The following LILRB2 variants were observed in gnomAD, a reference collection of about 807,000 sequenced individuals.
LILRB2 encodes leukocyte immunoglobulin-like receptor subfamily B member 2.
In LILRB2, 47 loss-of-function variants were observed where a neutral mutation model predicts 72.7. The observed-to-expected ratio is 0.65, with a 90% CI of 0.51 to 0.82. LILRB2 has a LOEUF of 0.82. LILRB2 is among the 40% of genes least tolerant of loss of function. LILRB2 has a pLI of 0.00. For synonymous variants in LILRB2, 279 were observed against 313.7 expected (o/e 0.89, Z 1.17); for missense variants, 767 against 764.8 (o/e 1.00, Z -0.03).
rs2080278773 is a variant in LILRB2, at chr19:54,277,273, T to A, written c.1357+277A>T. 5.6e-5 allele frequency: 84 copies of A among 1,505,206 alleles called. No individual in the cohort carries two copies. The South Asian group carries it at 9.8e-4, about 18-fold the overall frequency. The allele number at this position is 1,505,206 out of a possible 1,614,324, so 93.2% of individuals were successfully genotyped here. ...TCCCCTCCCCTGCCCCAGGTCACCG[T>A]CTCTGCTGCAGGTGGGACGGGACAG... On this transcript the variant is annotated intron_variant, in intron 9 of 13. Transcript: ENST00000314446.
chr19:54,277,120 C>A, intron 9 of LILRB2, 191 bp from the exon 10 acceptor site: 11 of 1,498,454 alleles, frequency 7.3e-6, no homozygotes, highest in Non-Finnish European at 9.1e-6. Context: ...TGCCCCGGGC[C>A]CCCAGCCAGG....
intron 9 of LILRB2, chr19:54,277,246 G>T (rs549302373): frequency 7.4e-5 from 113 of 1,532,432 alleles, no homozygotes; most frequent in East Asian, 1.5e-4. Context: ...CCACGACTCT[G>T]CTCCCCTCCC....
chr19:54,277,027 C>A, intron 9 of LILRB2, 98 bp from the exon 10 acceptor site: 3 of 1,522,780 alleles, frequency 2.0e-6, no homozygotes, highest in Non-Finnish European at 1.8e-6. Flanking sequence ...CACCTCCAAC[C>A]CCCACAACAG....
intron 8 of LILRB2, 74 bp downstream of exon 8, chr19:54,277,815 G>T: frequency 7.3e-7 from 1 of 1,363,934 alleles, no homozygotes; most frequent in South Asian, 1.2e-5. Flanking sequence ...GAAGGGAATG[G>T]GATCCTCCTG....
At position 54,279,039 on chromosome 19, in the gene LILRB2, A is replaced by G. The variant is rs1053767416; in HGVS notation, c.728T>C (p.Leu243Pro). The change falls in exon 6 of 14, where the codon CTC (leucine) becomes CCC (proline). Residue 243 changes from leucine to proline, a missense_variant. Physicochemically the swap from Leu to Pro is moderately conservative, Grantham distance 98 (BLOSUM62 -3). This residue lies in a region of LILRB2 where 599 missense variants were observed against 568.2 expected (regional missense o/e 1.05). Coordinates refer to ENST00000314446, the MANE Select transcript of LILRB2 (RefSeq NM_001080978.4). Reference sequence around the variant, plus strand: ...ATAGCCGACATCAGAGACACACTGGAGGGTCAGGCTTTCCCCAGGGGCCAT... The same window carrying G: ...ATAGCCGACATCAGAGACACACTGGGGGGTCAGGCTTTCCCCAGGGGCCAT... ...PVMAPGESLT[L>P]QCVSDVGYDR... 3 of 1,614,088 alleles carry G rather than the reference A, an allele frequency of 1.9e-6. No homozygotes were observed. The highest frequency in any genetic ancestry group is 1.3e-5 in the African/African-American group (1 of 74,944).
At chr19:54,280,610 G>C in intron 1 of LILRB2, 66 bp from the exon 2 acceptor site, 1 of 1,587,170 alleles carries the variant, frequency 6.3e-7, no homozygotes, top group Non-Finnish European at 8.6e-7. Context: ...TGGACACTCA[G>C]AGGCTGGGTC....
chr19:54,279,620 G>T lies in LILRB2; in HGVS notation c.383C>A (p.Ala128Asp). 1 of 1,613,904 alleles carries T rather than the reference G, an allele frequency of 6.2e-7. No individual in the cohort carries two copies. Among genetic ancestry groups the T allele is most frequent in the Non-Finnish European group, 8.5e-7 (1 of 1,179,890 alleles). Residue 128 changes from alanine to aspartate, a missense_variant, in exon 5 of 14, where the codon GCC becomes GAC. Ala to Asp is a moderately radical substitution (Grantham distance 126). Coordinates refer to ENST00000314446, the MANE Select transcript of LILRB2 (RefSeq NM_001080978.4). ...TGAYPKPTLS[A>D]QPSPVVTSGG... is the part of the protein sequence containing the mutation. ...TGAGGTCACCACAGGGCTGGGCTGG[G>T]CTGAGAGGGTGGGTTTTGGGTAGGC...
chr19:54,275,600 C>T, intron 13 of LILRB2: 1 of 533,432 alleles, frequency 1.9e-6, no homozygotes, highest in Non-Finnish European at 3.7e-6. Context: ...CATGGGGAGC[C>T]TGATCCACAG....
In LILRB2 at chr19:54,276,226, A is replaced by G. The variant is rs372301209; in HGVS notation, c.1594+38T>C. 12 of 1,613,074 alleles carry G rather than the reference A, an allele frequency of 7.4e-6. 1 individual carries two copies. Among genetic ancestry groups the G allele is most frequent in the South Asian group, 2.2e-5 (2 of 91,064 alleles). ...TTGCTACGGAAACTTCGGGGCCCCT[A>G]TCTCCCTCCTGGCTGGTCACCTCTT... On this transcript the variant is annotated intron_variant, in intron 12 of 13. Transcript: ENST00000314446.
At position 54,275,944 on chromosome 19, in the gene LILRB2, G is replaced by A. The variant is rs1306387390; in HGVS notation, c.1647+7C>T. ...CTTTGGTGCCTGGGACAGGGGCGGGGTCTCACCCGAGTGTCCATCTCCACC... is the reference window on the plus strand; with the variant it reads ...CTTTGGTGCCTGGGACAGGGGCGGGATCTCACCCGAGTGTCCATCTCCACC... On this transcript the variant is annotated splice_region_variant and intron_variant, in intron 13 of 13. Transcript: ENST00000314446. 2.5e-5 allele frequency: 40 copies of A among 1,613,914 alleles called. No homozygotes were observed. Among genetic ancestry groups the A allele is most frequent in the South Asian group, 3.3e-5 (3 of 91,080 alleles).
chr19:54,275,728 CA>C, intron 13 of LILRB2: 1 of 693,634 alleles, frequency 1.4e-6, no homozygotes, highest in Non-Finnish European at 2.7e-6. Flanking sequence ...ACCAGACGGC[CA>C]AACAGAGGAT....
At chr19:54,277,314 A>G (rs1382718837) in intron 9 of LILRB2, 23 of 1,281,632 alleles carry the variant, frequency 1.8e-5, no homozygotes, top group African/African-American at 1.5e-4. Context: ...CGCGGAATCG[A>G]GTCTTGGAGT....
chr19:54,278,082 C>T (rs1033163757), intron 7 of LILRB2, 143 bp from the exon 8 acceptor site: 13 of 1,121,734 alleles, frequency 1.2e-5, no homozygotes, highest in South Asian at 6.4e-5. Context: ...CTGGCGATGC[C>T]GCTGAGTGTG....
At position 54,273,813 on chromosome 19, in the gene LILRB2, G is replaced by A. The variant is rs1039294878; in HGVS notation, c.*870C>T. The A allele has an allele frequency of 7.2e-5, 11 of 151,934 alleles. No individual in the cohort carries two copies. The highest frequency in any genetic ancestry group is 1.6e-4 in the Non-Finnish European group (11 of 68,040). The allele number at this position is 151,934 out of a possible 1,614,324, so 9.4% of individuals were successfully genotyped here. On this transcript the variant is annotated 3_prime_UTR_variant, in exon 14 of 14. Transcript: ENST00000314446. ...AATCACCAGTGAAACTTCCTGAACT[G>A]GAGTTGATACGATGGGAACATTTTT...
At chr19:54,279,267 T>C in intron 5 of LILRB2, 78 bp downstream of exon 5, 10 of 1,552,328 alleles carry the variant, frequency 6.4e-6, no homozygotes, top group African/African-American at 1.4e-5. Flanking sequence ...GGAACTGCCC[T>C]GAGACACGGC....
At chr19:54,277,776 C>T in intron 8 of LILRB2, 113 bp downstream of exon 8, 2 of 1,325,914 alleles carry the variant, frequency 1.5e-6, no homozygotes, top group South Asian at 2.5e-5. Context: ...TGCCCAGCTC[C>T]CTGGACAGAA....
intron 9 of LILRB2, chr19:54,277,202 C>G (rs752300231): frequency 4.6e-6 from 7 of 1,532,396 alleles, no homozygotes; most frequent in Non-Finnish European, 6.2e-6. Context: ...AGCCGAGCCC[C>G]GGAGCTGCAG....
At position 54,279,971 on chromosome 19, in the gene LILRB2, G is replaced by A. The variant is rs1407009553; in HGVS notation, c.175C>T (p.Arg59Cys). 6 of 1,614,066 alleles carry A rather than the reference G, an allele frequency of 3.7e-6. No individual in the cohort carries two copies. The highest frequency in any genetic ancestry group is 2.2e-5 in the East Asian group (1 of 44,878). The change falls in exon 4 of 14, where the codon CGT becomes TGT. Residue 59 changes from arginine (R) to cysteine (C), a missense_variant. This residue lies in a region of LILRB2 where 599 missense variants were observed against 568.2 expected (regional missense o/e 1.05). Coordinates refer to ENST00000314446, the MANE Select transcript of LILRB2 (RefSeq NM_001080978.4). ...CQGSLEAQEY[R>C]LYREKKSASW... Reference sequence around the variant, plus strand: ...GCTGATTTTTTCTCCCTATATAGACGGTACTCCTGGGCTTCAAGGCTCCCC... The same window carrying A: ...GCTGATTTTTTCTCCCTATATAGACAGTACTCCTGGGCTTCAAGGCTCCCC...
At chr19:54,277,717 C>G in intron 8 of LILRB2, 120 bp from the exon 9 acceptor site, 1 of 1,371,162 alleles carries the variant, frequency 7.3e-7, no homozygotes, top group Non-Finnish European at 1.0e-6. Context: ...CCACCCCTCA[C>G]CAGCCCAGCC....
Sources: allele counts gnomAD v4.1 joint callset, GRCh38; gene constraint gnomAD v4.1.1; regional missense constraint gnomAD v4.1.1; transcripts MANE v1.5; gene names NCBI Gene and HGNC (gene_info 2026-07-23, HGNC 2026-07-21).